The following PCDH15 variants were observed in gnomAD, a reference collection of about 807,000 sequenced individuals.
PCDH15 encodes protocadherin-15.
In PCDH15, 129 loss-of-function variants were observed where a neutral mutation model predicts 178.5. The observed-to-expected ratio is 0.72, with a 90% CI of 0.63 to 0.84. The LOEUF is 0.84. Ranked by LOEUF, PCDH15 falls within the 40% of genes least tolerant of loss-of-function variation. PCDH15 has a pLI of 0.00. For synonymous variants in PCDH15, 800 were observed against 732.0 expected (o/e 1.09, Z -1.50); for missense variants, 2,230 against 2,099.9 (o/e 1.06, Z -1.21).
intron 2 of PCDH15, among the ~76,000 whole-genome samples, chr10:55,588,357 A>G (rs773413466): frequency 3.3e-5 from 5 of 152,156 alleles, no homozygotes; most frequent in Non-Finnish European, 5.9e-5. Flanking sequence ...TTACTGTTCA[A>G]AGCTGACATT....
chr10:55,166,806 T>TA (rs1252645904), intron 1 of PCDH15, among the ~76,000 whole-genome samples: 1 of 152,172 alleles, frequency 6.6e-6, no homozygotes, highest in Non-Finnish European at 1.5e-5. Context: ...AGTAAATGAG[T>TA]AAAAGATTGC....
intron 2 of PCDH15, among the ~76,000 whole-genome samples, chr10:55,496,359 A>G (rs1212290405): frequency 6.6e-6 from 1 of 151,658 alleles, no homozygotes; most frequent in Non-Finnish European, 1.5e-5. Context: ...TTTTATAAAT[A>G]ATAACACAGC....
intron 23 of PCDH15, among the ~76,000 whole-genome samples, chr10:53,946,806 C>A (rs1433887999): frequency 6.6e-6 from 1 of 152,168 alleles, no homozygotes; most frequent in African/African-American, 2.4e-5. Context: ...TAGACGGAGT[C>A]TCGCTCTATC....
At chr10:54,238,857 A>C (rs1385631777) in intron 8 of PCDH15, among the ~76,000 whole-genome samples, 3 of 152,076 alleles carry the variant, frequency 2.0e-5, no homozygotes, top group Admixed American at 6.6e-5. Context: ...TCACTGAGGA[A>C]TCTGATTGCC....
chr10:54,388,232 G>A (rs371848714), intron 3 of PCDH15, among the ~76,000 whole-genome samples: 9 of 152,088 alleles, frequency 5.9e-5, no homozygotes, highest in African/African-American at 1.7e-4. Flanking sequence ...CAGCATGAAG[G>A]GTCCAAAAAT....
chr10:54,926,531 A>G (rs1837631584), intron 2 of PCDH15, among the ~76,000 whole-genome samples: 1 of 152,082 alleles, frequency 6.6e-6, no homozygotes, highest in African/African-American at 2.4e-5. Context: ...AAATTGTACC[A>G]GAGCTTTTAT....
At chr10:54,212,782 C>A (rs1431097891) in intron 10 of PCDH15, among the ~76,000 whole-genome samples, 1 of 152,098 alleles carries the variant, frequency 6.6e-6, no homozygotes, top group Non-Finnish European at 1.5e-5. Flanking sequence ...AACTAGACAA[C>A]CATTTCTAAG....
At chr10:54,223,163 C>A (rs547281852) in intron 9 of PCDH15, among the ~76,000 whole-genome samples, 1 of 151,836 alleles carries the variant, frequency 6.6e-6, no homozygotes, top group Non-Finnish European at 1.5e-5. Context: ...AATAGAGAAT[C>A]AGCCAGGCAT....
At chr10:54,821,671 G>A (rs566131008) in intron 3 of PCDH15, among the ~76,000 whole-genome samples, 7 of 152,170 alleles carry the variant, frequency 4.6e-5, no homozygotes, top group African/African-American at 1.7e-4. Flanking sequence ...TCTCTAGTGA[G>A]AATGTAAAAG....
At chr10:54,482,262 T>C (rs892608936) in intron 3 of PCDH15, among the ~76,000 whole-genome samples, 2 of 151,836 alleles carry the variant, frequency 1.3e-5, no homozygotes, top group Non-Finnish European at 2.9e-5. Context: ...ATTGTGAGAA[T>C]AGTCTCATTC....
At chr10:55,377,693 T>A (rs1160711591) in intron 2 of PCDH15, among the ~76,000 whole-genome samples, 3 of 152,132 alleles carry the variant, frequency 2.0e-5, no homozygotes, top group Admixed American at 1.3e-4. Context: ...TTTACCACTA[T>A]ATATATTCTT....
intron 2 of PCDH15, among the ~76,000 whole-genome samples, chr10:55,158,359 A>G (rs1838955430): frequency 1.3e-5 from 2 of 152,172 alleles, no homozygotes; most frequent in African/African-American, 4.8e-5. Context: ...AGACAGAAGT[A>G]AAGTGGTAGG....
intron 3 of PCDH15, among the ~76,000 whole-genome samples, chr10:54,384,081 G>C (rs573814392): frequency 6.7e-5 from 10 of 149,114 alleles, no homozygotes; most frequent in African/African-American, 2.5e-4. Flanking sequence ...TGATCCATCC[G>C]CCTCGGCCTC....
intron 2 of PCDH15, chr10:55,600,062 AT>A: frequency 1.1e-6 from 1 of 924,058 alleles, no homozygotes; most frequent in Non-Finnish European, 1.5e-6. Flanking sequence ...TCATCCCTGC[AT>A]TAAAAATTTT....
At chr10:53,881,498 C>A (rs1434061842) in intron 26 of PCDH15, among the ~76,000 whole-genome samples, 7 of 151,936 alleles carry the variant, frequency 4.6e-5, no homozygotes, top group Non-Finnish European at 1.0e-4. Context: ...GCTTAGGCAG[C>A]AGAAAGTAAT....
chr10:54,006,954 C>T (rs2092406491), intron 20 of PCDH15, among the ~76,000 whole-genome samples: 1 of 152,164 alleles, frequency 6.6e-6, no homozygotes, highest in South Asian at 2.1e-4. Flanking sequence ...AGAAGCATGT[C>T]TCCCTCTCTC....
chr10:55,087,031 A>G (rs964850785), intron 2 of PCDH15, among the ~76,000 whole-genome samples: 6 of 152,094 alleles, frequency 3.9e-5, no homozygotes, highest in Non-Finnish European at 7.4e-5. Flanking sequence ...TCAAAGTTTT[A>G]CAAACCAAAA....
At chr10:54,434,605 TGTAA>T (rs1294721737) in intron 3 of PCDH15, among the ~76,000 whole-genome samples, 1 of 152,198 alleles carries the variant, frequency 6.6e-6, no homozygotes, top group Non-Finnish European at 1.5e-5. Flanking sequence ...TCTAGGTTTG[TGTAA>T]GTAAGTACAG....
At chr10:54,360,064 T>A (rs1945751611) in intron 5 of PCDH15, among the ~76,000 whole-genome samples, 1 of 152,130 alleles carries the variant, frequency 6.6e-6, no homozygotes, top group Admixed American at 6.6e-5. Context: ...TAGAAACTGA[T>A]GCTCCCAGTT....
Sources: allele counts gnomAD v4.1 joint callset (sites outside exome capture counted in the v4.1 genomes callset), GRCh38; gene constraint gnomAD v4.1.1; transcripts MANE v1.5; gene names NCBI Gene and HGNC (gene_info 2026-07-23, HGNC 2026-07-21).